Variants in TLE3 observed in about 807,000 individuals in gnomAD.
TLE3 encodes the protein TLE family member 3, transcriptional corepressor, also known as transducin-like enhancer protein 3.
In TLE3, 14 loss-of-function variants were observed where a neutral mutation model predicts 93.0. The ratio of observed to expected loss-of-function variants is 0.15; its 90% confidence interval spans 0.10 to 0.24. TLE3 has a LOEUF of 0.24. TLE3 is among the 10% of genes least tolerant of loss of function. The pLI, the probability that TLE3 is intolerant of heterozygous loss-of-function variation, is 1.00. For missense variants in TLE3, 693 were observed against 1,046.6 expected, an observed-to-expected ratio of 0.66 and a Z score of 4.66; for synonymous variants, 451 against 425.0, an observed-to-expected ratio of 1.06 and a Z score of -0.75.
intron 2 of TLE3, 64 bp from the exon 3 acceptor site, chr15:70,095,705 C>A: frequency 6.5e-7 from 1 of 1,531,254 alleles, no homozygotes; most frequent in South Asian, 1.2e-5. Context: ...AGGCCCCGAC[C>A]CAAGGGCCTC....
At chr15:70,060,801 G>A (rs1473147250) in intron 8 of TLE3, 152 bp from the exon 9 acceptor site, 1 of 1,371,208 alleles carries the variant, frequency 7.3e-7, no homozygotes, top group Non-Finnish European at 1.0e-6. Flanking sequence ...CTCCATCAGA[G>A]CCTTGCCAGG....
rs371741462 is a variant in TLE3, at chr15:70,054,635, C to G, written c.1629G>C (p.Thr543=). ...RSCKLLPDGR[T]LIVGGEASTL... ...TGCTGGCCTCGCCGCCCACGATGAG[C>G]GTGCGCCCATCAGGGAGCAGCTTGC... The change falls in exon 16 of 20, where the codon ACG becomes ACC. Residue 543 remains threonine, a synonymous_variant. Coordinates refer to ENST00000451782, the MANE Select transcript of TLE3 (RefSeq NM_001105192.3). 4 of 1,609,330 alleles carry G rather than the reference C, an allele frequency of 2.5e-6. No individual in the cohort carries two copies. The highest frequency in any genetic ancestry group is 1.7e-5 in the Admixed American group (1 of 59,670).
chr15:70,097,623 C>G lies in TLE3; in HGVS notation c.-825G>C. Reference sequence around the variant, plus strand: ...AGCACCGCGTCCCCACCGAGGAGCGCTCAGCGCCACCGCCGCTGCCGCGTC... The same window carrying G: ...AGCACCGCGTCCCCACCGAGGAGCGGTCAGCGCCACCGCCGCTGCCGCGTC... On this transcript the variant is annotated 5_prime_UTR_variant, in exon 1 of 20. Transcript: ENST00000451782. 1 of 398,340 alleles carries G rather than the reference C, an allele frequency of 2.5e-6. No homozygotes were observed. The highest frequency in any genetic ancestry group is 3.6e-5 in the East Asian group (1 of 28,044). 24.7% of individuals were successfully genotyped at this position (398,340 alleles called of 1,614,324 possible). A position where few individuals can be genotyped will look rare whatever the true frequency, so the allele number is the denominator to read the frequency against.
chr15:70,063,368 T>C (rs2056615856), intron 8 of TLE3, among the ~76,000 whole-genome samples: 1 of 152,192 alleles, frequency 6.6e-6, no homozygotes, highest in African/African-American at 2.4e-5. Context: ...ACTCCTCTCT[T>C]AGGTACCTAG....
At chr15:70,078,318 C>A (rs1279377947) in intron 4 of TLE3, among the ~76,000 whole-genome samples, 1 of 152,034 alleles carries the variant, frequency 6.6e-6, no homozygotes, top group Non-Finnish European at 1.5e-5. Flanking sequence ...CACTCCAAAC[C>A]GGCAGAGTAA....
At chr15:70,074,478 A>G in intron 6 of TLE3, 55 bp downstream of exon 6, 2 of 1,567,916 alleles carry the variant, frequency 1.3e-6, no homozygotes, top group African/African-American at 1.3e-5. Flanking sequence ...ATGATAAATG[A>G]GAGGAATAAA....
chr15:70,051,596 C>T (rs2055549582), intron 18 of TLE3, 129 bp from the exon 19 acceptor site: 9 of 499,436 alleles, frequency 1.8e-5, no homozygotes, highest in Non-Finnish European at 2.4e-5. Context: ...TCTCCAATTT[C>T]GAGAGGCATT....
chr15:70,052,820 A>C, intron 17 of TLE3: 3 of 307,098 alleles, frequency 9.8e-6, no homozygotes, highest in Non-Finnish European at 1.8e-5. Flanking sequence ...AAAGTGAGGA[A>C]TGCAAATAAG....
Position 70,058,045 on chromosome 15 carries a change from G to T in TLE3, c.1051+114C>A. 6.6e-7 allele frequency: 1 copy of T among 1,507,288 alleles called. No individual in the cohort carries two copies. Among genetic ancestry groups the T allele is most frequent in the Non-Finnish European group, 9.0e-7 (1 of 1,112,444 alleles). The allele number at this position is 1,507,288 out of a possible 1,614,324, so 93.4% of individuals were successfully genotyped here. A position where few individuals can be genotyped will look rare whatever the true frequency, so the allele number is the denominator to read the frequency against. On this transcript the variant is annotated intron_variant, in intron 12 of 19. Transcript: ENST00000451782. The surrounding 1 kb of genome is among the most constrained non-coding windows in gnomAD (Gnocchi z 4.1). ...CGTGAAGTCCCCAGGGGCAGGCCCTGGGAGACACTGCCTGTGCTCTATCCC... is the reference window on the plus strand; with the variant it reads ...CGTGAAGTCCCCAGGGGCAGGCCCTTGGAGACACTGCCTGTGCTCTATCCC...
At position 70,066,059 on chromosome 15, in the gene TLE3, G is replaced by T; in HGVS notation, c.532C>A (p.Leu178Met). Residue 178 changes from leucine to methionine, a missense_variant, in exon 7 of 20, where the codon CTG becomes ATG. Around this residue, in one of 4 missense-constraint regions of TLE3, gnomAD observed 405 missense variants for 468.9 expected, o/e 0.86. Coordinates refer to ENST00000451782, the MANE Select transcript of TLE3 (RefSeq NM_001105192.3). ...ALGALGSQAH[L>M]TVKDEKNHHE... Reference sequence around the variant, plus strand: ...TGGTTCTTCTCATCCTTCACCGTCAGATGGGCCTGGCTGCCCAGGGCGCCC... The same window carrying T: ...TGGTTCTTCTCATCCTTCACCGTCATATGGGCCTGGCTGCCCAGGGCGCCC... 6.2e-7 allele frequency: 1 copy of T among 1,604,494 alleles called. No homozygotes were observed. Among genetic ancestry groups the T allele is most frequent in the Non-Finnish European group, 8.5e-7 (1 of 1,174,786 alleles).
At chr15:70,065,978 T>TG in intron 7 of TLE3, 36 bp downstream of exon 7, 1 of 686,816 alleles carries the variant, frequency 1.5e-6, no homozygotes, top group Non-Finnish European at 2.5e-6. Context: ...TGCCCACCCC[T>TG]GCCCCGCCCC....
rs753040056 is a variant in TLE3 at position 70,048,003 on chromosome 15, T to A, written c.*2094A>T. Reference sequence around the variant, plus strand: ...TGGGATTGTGAAATCCCTGCTGCGATGCTGGGTATCTGGAAGGGGAGAAGG... The same window carrying A: ...TGGGATTGTGAAATCCCTGCTGCGAAGCTGGGTATCTGGAAGGGGAGAAGG... On this transcript the variant is annotated 3_prime_UTR_variant, in exon 20 of 20. Transcript: ENST00000451782. 3.9e-5 allele frequency: 6 copies of A among 151,978 alleles called. No homozygotes were observed. The highest frequency in any genetic ancestry group is 7.3e-5 in the Non-Finnish European group (5 of 68,048). 9.4% of individuals were successfully genotyped at this position (151,978 alleles called of 1,614,324 possible). A position where few individuals can be genotyped will look rare whatever the true frequency, so the allele number is the denominator to read the frequency against.
At position 70,096,247 on chromosome 15, in the gene TLE3, G is replaced by A. The variant is rs913884220; in HGVS notation, c.39C>T (p.Pro13=). Residue 13 remains proline (P), a synonymous_variant, in exon 2 of 20, where the codon CCC becomes CCT. Coordinates refer to ENST00000451782, the MANE Select transcript of TLE3 (RefSeq NM_001105192.3). ...PQGRHPAPHQ[P]GQPGFKFTVA... The stretch of plus-strand genomic sequence containing the variant: ...CCGTGAATTTAAATCCCGGCTGCCC[G>A]GGTTGATGGGGAGCCTGGAGCCCGC... 1.9e-6 allele frequency: 3 copies of A among 1,554,404 alleles called. No individual in the cohort carries two copies. Among genetic ancestry groups the A allele is most frequent in the Non-Finnish European group, 2.6e-6 (3 of 1,148,796 alleles).
At chr15:70,063,114 A>C (rs933014666) in intron 8 of TLE3, among the ~76,000 whole-genome samples, 1 of 152,194 alleles carries the variant, frequency 6.6e-6, no homozygotes, top group East Asian at 1.9e-4. Context: ...CAGGTTATAA[A>C]GGGTCTTCCG....
chr15:70,095,205 AAG>A (rs968753890), intron 3 of TLE3, among the ~76,000 whole-genome samples: 3 of 152,338 alleles, frequency 2.0e-5, no homozygotes, highest in African/African-American at 4.8e-5. Flanking sequence ...GGAGGTCACT[AAG>A]AGAGATTTTT....
intron 4 of TLE3, among the ~76,000 whole-genome samples, chr15:70,090,953 A>C (rs1427696667): frequency 6.6e-6 from 1 of 152,222 alleles, no homozygotes; most frequent in Admixed American, 6.5e-5. Context: ...ATAGTAATTA[A>C]AGACACAGAA....
Position 70,047,949 on chromosome 15 carries a change from C to G in TLE3, c.*2148G>C, listed in dbSNP as rs2055214374. The G allele has an allele frequency of 6.6e-6, 1 of 152,314 alleles. No homozygotes were observed. The highest frequency in any genetic ancestry group is 1.5e-5 in the Non-Finnish European group (1 of 68,120). 9.4% of individuals were successfully genotyped at this position (152,314 alleles called of 1,614,324 possible). On this transcript the variant is annotated 3_prime_UTR_variant, in exon 20 of 20. Coordinates refer to ENST00000451782, the MANE Select transcript of TLE3 (RefSeq NM_001105192.3). ...TCTTAGCTCCTACCCCCCACCCTCC[C>G]TGGCGCTTGGATGGGAGGCGACACA...
chr15:70,075,811 C>T (rs2141822812), intron 5 of TLE3, among the ~76,000 whole-genome samples: 1 of 152,268 alleles, frequency 6.6e-6, no homozygotes, highest in South Asian at 2.1e-4. Context: ...GCACCCACTG[C>T]CCACTGATGG....
chr15:70,095,193 C>CA (rs1263830310), intron 3 of TLE3, among the ~76,000 whole-genome samples: 1 of 152,208 alleles, frequency 6.6e-6, no homozygotes. Context: ...CAAACACTCC[C>CA]AGGAGGTCAC....
Sources: allele counts gnomAD v4.1 joint callset (sites outside exome capture counted in the v4.1 genomes callset), GRCh38; gene constraint gnomAD v4.1.1; regional missense constraint gnomAD v4.1.1; non-coding constraint Gnocchi (gnomAD v3.1); transcripts MANE v1.5; gene names NCBI Gene and HGNC (gene_info 2026-07-23, HGNC 2026-07-21).